Variants in UROC1 observed in about 807,000 individuals in gnomAD.
UROC1 encodes the protein urocanate hydratase 1, also known as urocanate hydratase.
In UROC1, 79 loss-of-function variants were observed where a neutral mutation model predicts 89.5. That is an observed-to-expected ratio of 0.88 (90% CI 0.74 to 1.06). The LOEUF (loss-of-function observed/expected upper bound fraction) is 1.06. UROC1 is among the 50% of genes least tolerant of loss of function. The pLI is 0.00. For synonymous variants in UROC1, 361 were observed against 354.8 expected, an observed-to-expected ratio of 1.02 and a Z score of -0.20; for missense variants, 885 against 907.8, an observed-to-expected ratio of 0.97 and a Z score of 0.32.
At chr3:126,515,977 C>T (rs1305295290) in intron 1 of UROC1, among the ~76,000 whole-genome samples, 3 of 37,632 alleles carry the variant, frequency 8.0e-5, no homozygotes, top group African/African-American at 1.4e-4. Flanking sequence ...CTACCCTCTC[C>T]GCCCCCCAAT....
Position 126,482,578 on chromosome 3 carries a change from G to A in UROC1, c.1891-93C>T. 5.0e-6 allele frequency: 8 copies of A among 1,588,722 alleles called. No individual in the cohort carries two copies. The South Asian group carries it at 8.9e-5, about 18-fold the overall frequency. On this transcript the variant is annotated intron_variant, in intron 19 of 19. Coordinates refer to ENST00000290868, the MANE Select transcript of UROC1 (RefSeq NM_144639.3). ...CACACTTGGGGCCTCTCTGCTTCGG[G>A]ACCTCTGAGGCTGTCCGTGGGGACA...
intron 1 of UROC1, among the ~76,000 whole-genome samples, chr3:126,514,209 C>G (rs1007365689): frequency 6.6e-6 from 1 of 152,208 alleles, no homozygotes; most frequent in African/African-American, 2.4e-5. Flanking sequence ...GGAAATGAAC[C>G]CTGTGGAGCT....
intron 16 of UROC1, among the ~76,000 whole-genome samples, chr3:126,491,048 C>G (rs1935639447): frequency 6.6e-6 from 1 of 152,188 alleles, no homozygotes; most frequent in Non-Finnish European, 1.5e-5. Flanking sequence ...GCCCTGTGCT[C>G]TTGAATGAAG....
chr3:126,503,184 G>T (rs1410547383), intron 9 of UROC1, among the ~76,000 whole-genome samples: 1 of 152,194 alleles, frequency 6.6e-6, no homozygotes, highest in East Asian at 1.9e-4. Context: ...TCTAAAGAGG[G>T]TGCAATGTGG....
intron 8 of UROC1, among the ~76,000 whole-genome samples, 169 bp downstream of exon 8, chr3:126,505,531 GA>G (rs1936033743): frequency 6.6e-6 from 1 of 151,900 alleles, no homozygotes; most frequent in African/African-American, 2.4e-5. Context: ...CCGCCCATGG[GA>G]ACCCACCCAG....
At chr3:126,485,656 C>A (rs1254975222) in intron 18 of UROC1, among the ~76,000 whole-genome samples, 2 of 150,770 alleles carry the variant, frequency 1.3e-5, no homozygotes, top group African/African-American at 4.9e-5. Context: ...CTCAAACCTC[C>A]TGGGCTCAAG....
chr3:126,515,016 T>C (rs966860389), intron 1 of UROC1, among the ~76,000 whole-genome samples: 1 of 152,040 alleles, frequency 6.6e-6, no homozygotes, highest in African/African-American at 2.4e-5. Context: ...GAGCCGCCCG[T>C]AGCCCTCAGA....
At chr3:126,517,001 C>T (rs796889887) in intron 1 of UROC1, among the ~76,000 whole-genome samples, 36 of 152,136 alleles carry the variant, frequency 2.4e-4, no homozygotes, top group African/African-American at 8.4e-4. Context: ...CTCCACAACC[C>T]CCTGGTGTCA....
chr3:126,513,135 GGTGTGTGTGT>G (rs56301013), intron 1 of UROC1, among the ~76,000 whole-genome samples: 2 of 147,900 alleles, frequency 1.4e-5, no homozygotes, highest in Admixed American at 6.7e-5. Flanking sequence ...CACAGAGCAG[GGTGTGTGTGT>G]GTGTGTGTGT....
In UROC1 at chr3:126,503,550, G is replaced by A. The variant is rs539408230; in HGVS notation, c.902+445C>T. ...CCTGGAGCACAGGGAGGGAGTGCAC[G>A]CCTCACAGGCTCGCCACTGCAACAG... On this transcript the variant is annotated intron_variant, in intron 9 of 19. Transcript: ENST00000290868. 3.8e-4 allele frequency among the ~76,000 whole-genome samples: 58 copies of A among 152,340 alleles called. 1 individual carries two copies. Among genetic ancestry groups the A allele is most frequent in the Non-Finnish European group, 1.6e-4 (11 of 68,038 alleles).
chr3:126,511,662 T>A (rs886488769), intron 1 of UROC1, among the ~76,000 whole-genome samples: 1 of 152,250 alleles, frequency 6.6e-6, no homozygotes, highest in African/African-American at 2.4e-5. Context: ...TGTCAGTTGA[T>A]GGAAATGACT....
rs760021919 is a variant in UROC1, at chr3:126,489,348, G to A, written c.1636C>T (p.His546Tyr). The change falls in exon 17 of 20, where the codon CAT becomes TAT. Residue 546 changes from histidine to tyrosine, a missense_variant. Transcript: ENST00000290868. ...KAPVVLSRDH[H>Y]DVSGTDSPFR... ...GGGCTGTCGGTGCCGCTCACGTCAT[G>A]GTGATCTCGGCTCAGGACCACCGGC... 3 of 1,613,068 alleles carry A rather than the reference G, an allele frequency of 1.9e-6. No individual in the cohort carries two copies. The highest frequency in any genetic ancestry group is 1.3e-5 in the African/African-American group (1 of 75,034).
At chr3:126,509,227 C>A (rs536559904) in intron 3 of UROC1, among the ~76,000 whole-genome samples, 2 of 147,638 alleles carry the variant, frequency 1.4e-5, no homozygotes, top group African/African-American at 2.5e-5. Context: ...CAGAGTGAGA[C>A]CCTGTCTCTC....
At chr3:126,504,419 G>T (rs1362930643) in intron 8 of UROC1, among the ~76,000 whole-genome samples, 1 of 152,194 alleles carries the variant, frequency 6.6e-6, no homozygotes, top group Non-Finnish European at 1.5e-5. Context: ...TGAGATAAAA[G>T]GAGAGGGTTT....
At chr3:126,511,538 G>A (rs1344918893) in intron 1 of UROC1, among the ~76,000 whole-genome samples, 1 of 152,248 alleles carries the variant, frequency 6.6e-6, no homozygotes, top group Non-Finnish European at 1.5e-5. Context: ...TGCTAGACAA[G>A]GAGGACTTCT....
intron 1 of UROC1, among the ~76,000 whole-genome samples, chr3:126,512,097 G>C (rs1367971882): frequency 6.6e-6 from 1 of 152,192 alleles, no homozygotes; most frequent in East Asian, 1.9e-4. Flanking sequence ...CACTGGCCTG[G>C]ACTTAATCCT....
rs376840293 is a variant in UROC1 at position 126,489,392 on chromosome 3, A to G, written c.1609-17T>C. 6.2e-6 allele frequency: 10 copies of G among 1,607,216 alleles called. No homozygotes were observed. In the African/African-American group the frequency reaches 1.1e-4, roughly 17 times the overall value. The stretch of plus-strand genomic sequence containing the variant: ...CACCGGCGCCTGTGCATGGAAGGAC[A>G]GAAGCTGTCAGCCAACAGTGTCCAC... On this transcript the variant is annotated splice_polypyrimidine_tract_variant and intron_variant, in intron 16 of 19. Coordinates refer to ENST00000290868, the MANE Select transcript of UROC1 (RefSeq NM_144639.3).
In UROC1 at chr3:126,482,399, T is replaced by A; in HGVS notation, c.1977A>T (p.Thr659=). 6.2e-7 allele frequency: 1 copy of A among 1,613,938 alleles called. No individual in the cohort carries two copies. The highest frequency in any genetic ancestry group is 8.5e-7 in the Non-Finnish European group (1 of 1,179,994). The change falls in exon 20 of 20, where the codon ACA becomes ACT. Residue 659 remains threonine, a synonymous_variant. Coordinates refer to ENST00000290868, the MANE Select transcript of UROC1 (RefSeq NM_144639.3). ...TMQENSTLVV[T]LPHKVEDERV... is the part of the protein sequence containing the mutation. ...GCTCGTCCTCCACCTTGTGAGGCAG[T>A]GTCACCACCAAGGTGCTGTTCTCCT...
At position 126,507,750 on chromosome 3, in the gene UROC1, C is replaced by A. The variant is rs756587775; in HGVS notation, c.594G>T (p.Gly198=). ...RTEYEKLFAL[G]VTMYGQMTAG... The stretch of plus-strand genomic sequence containing the variant: ...CTGAAATAGTGACTTACATTGTAAC[C>A]CCCAAGGCAAAGAGCTTCTCATACT... The change falls in exon 6 of 20, where the codon GGG becomes GGT. Residue 198 remains glycine, a synonymous_variant. Transcript: ENST00000290868. The A allele has an allele frequency of 1.9e-6, 3 of 1,614,146 alleles. No homozygotes were observed. The South Asian group carries it at 3.3e-5, about 18-fold the overall frequency.
Sources: allele counts gnomAD v4.1 joint callset (sites outside exome capture counted in the v4.1 genomes callset), GRCh38; gene constraint gnomAD v4.1.1; transcripts MANE v1.5; gene names NCBI Gene and HGNC (gene_info 2026-07-23, HGNC 2026-07-21).